The following CACNA2D3 variants were observed in gnomAD, a reference collection of about 807,000 sequenced individuals.
CACNA2D3 encodes voltage-dependent calcium channel subunit alpha-2/delta-3.
A neutral mutation model predicts 160.6 loss-of-function variants in CACNA2D3; 60 were observed. That is an observed-to-expected ratio of 0.37 (90% confidence interval 0.30 to 0.46). The LOEUF (loss-of-function observed/expected upper bound fraction) is 0.46, where lower values mean the gene tolerates loss of function less well. CACNA2D3 is among the 20% of genes least tolerant of loss of function. The pLI, the probability that CACNA2D3 is intolerant of heterozygous loss-of-function variation, is 1.00. For missense variants in CACNA2D3, 1,205 were observed against 1,365.0 expected (o/e 0.88, Z 1.85); for synonymous variants, 558 against 492.9 (o/e 1.13, Z -1.75).
intron 14 of CACNA2D3, among the ~76,000 whole-genome samples, chr3:54,823,950 T>C (rs1703694922): frequency 6.6e-6 from 1 of 152,238 alleles, no homozygotes; most frequent in African/African-American, 2.4e-5. Flanking sequence ...CTAATTGTTT[T>C]ACTCATAAAT....
chr3:54,448,305 G>C (rs528295697), intron 4 of CACNA2D3, among the ~76,000 whole-genome samples: 52 of 152,328 alleles, frequency 3.4e-4, no homozygotes, highest in Non-Finnish European at 6.6e-4. Context: ...AGAGCTAATG[G>C]GAGTAAGTAG....
At chr3:54,808,979 G>A (rs1363719497) in intron 13 of CACNA2D3, among the ~76,000 whole-genome samples, 1 of 152,104 alleles carries the variant, frequency 6.6e-6, no homozygotes, top group Non-Finnish European at 1.5e-5. Context: ...AGTTGTTTTC[G>A]TAAAGACTCA....
intron 4 of CACNA2D3, among the ~76,000 whole-genome samples, chr3:54,471,859 C>CT (rs1700737728): frequency 2.0e-5 from 3 of 152,150 alleles, no homozygotes; most frequent in Admixed American, 6.5e-5. Context: ...AGGAAGAAGT[C>CT]GAATCCCTAA....
intron 11 of CACNA2D3, among the ~76,000 whole-genome samples, chr3:54,709,389 T>C (rs1408652881): frequency 6.7e-6 from 1 of 149,798 alleles, no homozygotes; most frequent in Non-Finnish European, 1.5e-5. Flanking sequence ...AAAGAGAGGG[T>C]CTCCCTCTGT....
intron 11 of CACNA2D3, among the ~76,000 whole-genome samples, chr3:54,718,674 A>G (rs958763518): frequency 1.3e-5 from 2 of 151,988 alleles, no homozygotes; most frequent in Non-Finnish European, 2.9e-5. Flanking sequence ...TTATATTTCC[A>G]TGCAAATTTT....
chr3:54,479,734 A>G (rs1244142817), intron 4 of CACNA2D3, among the ~76,000 whole-genome samples: 1 of 152,206 alleles, frequency 6.6e-6, no homozygotes, highest in African/African-American at 2.4e-5. Flanking sequence ...AGTTTCATGG[A>G]AAGAAGTTAT....
At chr3:54,658,072 C>T (rs1699906108) in intron 11 of CACNA2D3, among the ~76,000 whole-genome samples, 1 of 152,198 alleles carries the variant, frequency 6.6e-6, no homozygotes, top group South Asian at 2.1e-4. Flanking sequence ...TTTTCTTTAT[C>T]CATTCAGTTG....
In CACNA2D3 at chr3:54,809,351, G is replaced by A. The variant is rs377028331; in HGVS notation, c.1381-7502G>A. On this transcript the variant is annotated intron_variant, in intron 13 of 37. Transcript: ENST00000474759. Reference sequence around the variant, plus strand: ...TTTTGAGACGGAGTCTCGCTCTGTCGCCCAGGTCGGACTGCGGACTGCAGT... The same window carrying A: ...TTTTGAGACGGAGTCTCGCTCTGTCACCCAGGTCGGACTGCGGACTGCAGT... 2.1e-4 allele frequency among the ~76,000 whole-genome samples: 17 copies of A among 82,262 alleles called. No individual in the cohort carries two copies. In the East Asian group the frequency reaches 3.0e-3, roughly 15 times the overall value. The allele number at this position is 82,262 out of a possible 152,430, so 54.0% of individuals were successfully genotyped here. A position where few individuals can be genotyped will look rare whatever the true frequency, so the allele number is the denominator to read the frequency against.
At chr3:54,831,085 A>G (rs1229674239) in intron 14 of CACNA2D3, among the ~76,000 whole-genome samples, 5 of 152,248 alleles carry the variant, frequency 3.3e-5, no homozygotes, top group African/African-American at 9.6e-5. Flanking sequence ...GGAGCAAAAT[A>G]TAGAAGAAAT....
At chr3:54,122,875 G>T in intron 1 of CACNA2D3, 40 bp downstream of exon 1, 2 of 1,213,144 alleles carry the variant, frequency 1.6e-6, no homozygotes, top group Non-Finnish European at 2.1e-6. Context: ...AGGGGACCTT[G>T]CCGCCTGCGA....
chr3:54,214,555 TC>T (rs1348711562), intron 2 of CACNA2D3, among the ~76,000 whole-genome samples: 2 of 152,194 alleles, frequency 1.3e-5, no homozygotes, highest in Non-Finnish European at 2.9e-5. Context: ...GTGGTCCTCA[TC>T]ACTGGTGAAC....
intron 11 of CACNA2D3, among the ~76,000 whole-genome samples, chr3:54,687,135 G>GTTTTTTTTTTTTTT (rs1290353261): frequency 3.4e-5 from 3 of 88,896 alleles, no homozygotes; most frequent in Admixed American, 1.4e-4. Flanking sequence ...TTTTTTTTTT[G>GTTTTTTTTTTTTTT]TTTTTTTTTT....
intron 4 of CACNA2D3, among the ~76,000 whole-genome samples, chr3:54,473,987 T>C (rs951083276): frequency 6.6e-6 from 1 of 152,232 alleles, no homozygotes; most frequent in Non-Finnish European, 1.5e-5. Flanking sequence ...GAAGACAGTG[T>C]GGTTATTCCT....
chr3:55,066,254 G>C (rs1362670663), intron 35 of CACNA2D3, among the ~76,000 whole-genome samples: 1 of 152,140 alleles, frequency 6.6e-6, no homozygotes, highest in African/African-American at 2.4e-5. Flanking sequence ...AAATTCAGTA[G>C]CTCCCTGGGA....
At chr3:55,059,021 G>A (rs1047195071) in intron 35 of CACNA2D3, among the ~76,000 whole-genome samples, 2 of 151,932 alleles carry the variant, frequency 1.3e-5, no homozygotes, top group Admixed American at 6.6e-5. Flanking sequence ...AAAATATTTT[G>A]TTCATGTAAT....
chr3:55,074,345 CTG>C lies in CACNA2D3; in HGVS notation c.*142_*143del. ...ATCAGCATCTCATCATGATTTTAAA[CTG>C]TGCGTGATATAAACTCTTAAAGATA... is the stretch of plus-strand genomic sequence containing the variant. On this transcript the variant is annotated 3_prime_UTR_variant, in exon 38 of 38. Coordinates refer to ENST00000474759, the MANE Select transcript of CACNA2D3 (RefSeq NM_018398.3). 1 of 711,928 alleles carries C rather than the reference CTG, an allele frequency of 1.4e-6. No individual in the cohort carries two copies. The highest frequency in any genetic ancestry group is 2.5e-6 in the Non-Finnish European group (1 of 398,010). 44.1% of individuals were successfully genotyped at this position (711,928 alleles called of 1,614,324 possible). A position where few individuals can be genotyped will look rare whatever the true frequency, so the allele number is the denominator to read the frequency against.
At chr3:54,771,879 T>C (rs1196171886) in intron 13 of CACNA2D3, among the ~76,000 whole-genome samples, 1 of 152,140 alleles carries the variant, frequency 6.6e-6, no homozygotes, top group Admixed American at 6.5e-5. Flanking sequence ...TCTCTGTCCA[T>C]GTGCTCTGGT....
intron 35 of CACNA2D3, among the ~76,000 whole-genome samples, chr3:55,031,263 G>T (rs529478066): frequency 3.5e-4 from 54 of 152,268 alleles, no homozygotes; most frequent in African/African-American, 1.1e-3. Flanking sequence ...AGCAGTCTGT[G>T]TTCCCCCCTT....
At chr3:54,352,652 C>T (rs1022941806) in intron 3 of CACNA2D3, among the ~76,000 whole-genome samples, 3 of 152,180 alleles carry the variant, frequency 2.0e-5, no homozygotes, top group South Asian at 2.1e-4. Context: ...ACAAAGCCCC[C>T]GCAGTTTGGG....
Sources: allele counts gnomAD v4.1 joint callset (sites outside exome capture counted in the v4.1 genomes callset), GRCh38; gene constraint gnomAD v4.1.1; transcripts MANE v1.5; gene names NCBI Gene and HGNC (gene_info 2026-07-23, HGNC 2026-07-21).